The following LEF1 variants were observed in gnomAD, a reference collection of about 807,000 sequenced individuals.
The protein encoded by LEF1 is lymphoid enhancer-binding factor 1.
In LEF1, 14 loss-of-function variants were observed where a neutral mutation model predicts 51.2. The observed-to-expected ratio is 0.27, with a 90% CI of 0.18 to 0.43. The LOEUF (loss-of-function observed/expected upper bound fraction) is 0.43. LEF1 is among the 20% of genes least tolerant of loss of function. The pLI, the probability that LEF1 is intolerant of heterozygous loss-of-function variation, is 1.00. For missense variants in LEF1, 386 were observed against 512.0 expected (o/e 0.75, Z 2.37); for synonymous variants, 185 against 183.2 (o/e 1.01, Z -0.08).
chr4:108,112,255 T>G (rs1741578986), intron 3 of LEF1, among the ~76,000 whole-genome samples: 1 of 152,174 alleles, frequency 6.6e-6, no homozygotes, highest in African/African-American at 2.4e-5. Flanking sequence ...GGCTGTGAGG[T>G]CTCTGCTTCT....
chr4:108,115,852 C>T (rs1366244615), intron 3 of LEF1, among the ~76,000 whole-genome samples: 6 of 145,082 alleles, frequency 4.1e-5, no homozygotes, highest in African/African-American at 1.5e-4. Flanking sequence ...CACATACACA[C>T]ACACACACAC....
At position 108,092,917 on chromosome 4, in the gene LEF1, T is replaced by TAAA. The variant is rs71592104; in HGVS notation, c.415-3663_415-3661dup. ...GTGGGTATTGGAAACAATGAATATG[T>TAAA]AAAAAAAAAAAAAAAAAAAAAAAAA... On this transcript the variant is annotated intron_variant, in intron 3 of 11. Transcript: ENST00000265165. Among the ~76,000 whole-genome samples the TAAA allele has an allele frequency of 3.2e-3, 100 of 31,114 alleles. 1 individual carries two copies. The highest frequency in any genetic ancestry group is 3.9e-3 in the Non-Finnish European group (74 of 18,836). The allele number at this position is 31,114 out of a possible 152,430, so 20.4% of individuals were successfully genotyped here.
In LEF1 at chr4:108,163,701, C is replaced by T; in HGVS notation, c.281G>A (p.Gly94Glu). ...HDKAREHPDD[G>E]KHPDGGLYNK... is the part of the protein sequence containing the mutation. The stretch of plus-strand genomic sequence containing the variant: ...GTAGAGGCCTCCATCTGGATGCTTT[C>T]CTGGGAAGATCCAAAGAACAATCAA... The change falls in exon 3 of 12, where the codon GGA (glycine) becomes GAA (glutamate). Residue 94 changes from glycine (G) to glutamate (E), a missense_variant and splice_region_variant. Physicochemically the swap from Gly to Glu is moderately conservative, Grantham distance 98. Around this residue, in one of 2 missense-constraint regions of LEF1, gnomAD observed 335 missense variants for 390.7 expected, o/e 0.86. Coordinates refer to ENST00000265165, the MANE Select transcript of LEF1 (RefSeq NM_016269.5). 6.2e-7 allele frequency: 1 copy of T among 1,612,682 alleles called. No homozygotes were observed. The highest frequency in any genetic ancestry group is 1.7e-5 in the Admixed American group (1 of 59,824).
At chr4:108,108,028 G>T (rs1741282195) in intron 3 of LEF1, among the ~76,000 whole-genome samples, 1 of 152,178 alleles carries the variant, frequency 6.6e-6, no homozygotes, top group Non-Finnish European at 1.5e-5. Context: ...CCTGGGCAGG[G>T]ACAGGGAAAA....
chr4:108,067,040 T>C (rs1738125718), intron 9 of LEF1, among the ~76,000 whole-genome samples: 1 of 152,242 alleles, frequency 6.6e-6, no homozygotes, highest in Non-Finnish European at 1.5e-5. Flanking sequence ...CTTTATTCTA[T>C]CCCTGTACAG....
intron 1 of LEF1, chr4:108,166,301 T>C (rs1331933504): frequency 2.6e-6 from 4 of 1,535,676 alleles, no homozygotes; most frequent in Non-Finnish European, 3.5e-6. Context: ...AAGGCAGATC[T>C]GAGGTGTTCT....
chr4:108,130,729 CAAA>C (rs567555795), intron 3 of LEF1, among the ~76,000 whole-genome samples: 2 of 99,052 alleles, frequency 2.0e-5, no homozygotes. Context: ...GACTCCGACT[CAAA>C]AAAAAAAAAA....
chr4:108,091,015 T>C (rs1739984655), intron 3 of LEF1, among the ~76,000 whole-genome samples: 1 of 152,082 alleles, frequency 6.6e-6, no homozygotes, highest in African/African-American at 2.4e-5. Flanking sequence ...TAAGAGAAAA[T>C]TGAGCATATC....
At chr4:108,085,546 T>C (rs1739585491) in intron 4 of LEF1, among the ~76,000 whole-genome samples, 3 of 152,220 alleles carry the variant, frequency 2.0e-5, no homozygotes, top group African/African-American at 7.2e-5. Context: ...TTACTCTCCG[T>C]ACTACTCCAT....
chr4:108,090,104 C>T (rs1207441288), intron 3 of LEF1, among the ~76,000 whole-genome samples: 1 of 152,022 alleles, frequency 6.6e-6, no homozygotes, highest in Non-Finnish European at 1.5e-5. Flanking sequence ...CCTCAGCCTC[C>T]CAAGTAGGAC....
At chr4:108,049,349 C>T (rs1444314925) in intron 11 of LEF1, among the ~76,000 whole-genome samples, 1 of 152,006 alleles carries the variant, frequency 6.6e-6, no homozygotes, top group African/African-American at 2.4e-5. Context: ...ATGATAGCCT[C>T]GGAAAGGACA....
At chr4:108,154,876 T>C (rs932636342) in intron 3 of LEF1, among the ~76,000 whole-genome samples, 2 of 152,134 alleles carry the variant, frequency 1.3e-5, no homozygotes, top group African/African-American at 4.8e-5. Flanking sequence ...GGGATTTTAC[T>C]GAAAGAAAAA....
Position 108,168,638 on chromosome 4 carries a change from C to G in LEF1, c.-871G>C, listed in dbSNP as rs1326965691. 1 of 152,276 alleles carries G rather than the reference C, an allele frequency of 6.6e-6. No homozygotes were observed. Among genetic ancestry groups the G allele is most frequent in the Non-Finnish European group, 1.5e-5 (1 of 68,122 alleles). The allele number at this position is 152,276 out of a possible 1,614,324, so 9.4% of individuals were successfully genotyped here. The stretch of plus-strand genomic sequence containing the variant: ...GCGGGGGCCTCGGGCCCAAATGCCT[C>G]TGCCCGGAGCTCGAGCCGACACACA... On this transcript the variant is annotated 5_prime_UTR_variant, in exon 1 of 12. Coordinates refer to ENST00000265165, the MANE Select transcript of LEF1 (RefSeq NM_016269.5). This position sits in a 1 kb window ranked among gnomAD's most constrained non-coding sequence, Gnocchi z 4.6.
At chr4:108,139,695 C>T (rs577035152) in intron 3 of LEF1, among the ~76,000 whole-genome samples, 11 of 152,236 alleles carry the variant, frequency 7.2e-5, no homozygotes, top group African/African-American at 2.6e-4. Flanking sequence ...CCTTTAGGGA[C>T]GTTAATAGAG....
At chr4:108,146,197 T>G (rs1290189114) in intron 3 of LEF1, among the ~76,000 whole-genome samples, 1 of 152,232 alleles carries the variant, frequency 6.6e-6, no homozygotes, top group Non-Finnish European at 1.5e-5. Context: ...ACCTTGTGAC[T>G]TTAAAACACT....
intron 3 of LEF1, among the ~76,000 whole-genome samples, chr4:108,122,139 T>C (rs1742218484): frequency 6.6e-6 from 1 of 152,188 alleles, no homozygotes; most frequent in African/African-American, 2.4e-5. Context: ...TTATAGCCTA[T>C]TTACTTTTTT....
rs796277670 is a variant in LEF1 at position 108,099,556 on chromosome 4, A to G, written c.415-10299T>C. Among the ~76,000 whole-genome samples, 269 of 49,638 alleles carry G rather than the reference A, an allele frequency of 5.4e-3. 10 individuals carry two copies. The highest frequency in any genetic ancestry group is 0.027 in the South Asian group (30 of 1,102). 32.6% of individuals were successfully genotyped at this position (49,638 alleles called of 152,430 possible). On this transcript the variant is annotated intron_variant, in intron 3 of 11. Coordinates refer to ENST00000265165, the MANE Select transcript of LEF1 (RefSeq NM_016269.5). ...TATATGTGTATATGTGTGTGTGTGT[A>G]TGTGTGTGTGTGTGTATATATATAT...
intron 11 of LEF1, among the ~76,000 whole-genome samples, chr4:108,050,346 C>T (rs1736898190): frequency 6.6e-6 from 1 of 152,110 alleles, no homozygotes; most frequent in Admixed American, 6.5e-5. Context: ...ACTGGTGGAG[C>T]CGGAAGTGCA....
Position 108,167,564 on chromosome 4 carries a change from G to A in LEF1, c.204C>T (p.Asn68=), listed in dbSNP as rs1745494554. Reference sequence around the variant, plus strand: ...GCAGCGGCCCGCTCACCTCGTGTCCGTTGCTGGCCGGGATGATTTCAGACT... The same window carrying A: ...GCAGCGGCCCGCTCACCTCGTGTCCATTGCTGGCCGGGATGATTTCAGACT... ...VNESEIIPAS[N]GHEVARQAQT... Residue 68 remains asparagine, a synonymous_variant, in exon 1 of 12, where the codon AAC becomes AAT. Transcript: ENST00000265165. The surrounding 1 kb of genome is among the most constrained non-coding windows in gnomAD (Gnocchi z 5.7). 6.2e-7 allele frequency: 1 copy of A among 1,613,998 alleles called. No individual in the cohort carries two copies. The highest frequency in any genetic ancestry group is 1.3e-5 in the African/African-American group (1 of 74,936).
Sources: gnomAD v4.1 joint callset for allele counts (sites outside exome capture counted in the v4.1 genomes callset) on GRCh38, gnomAD v4.1.1 for gene constraint, gnomAD v4.1.1 regional missense constraint, Gnocchi (gnomAD v3.1) non-coding constraint, MANE v1.5 for transcripts, NCBI Gene and HGNC (gene_info 2026-07-23, HGNC 2026-07-21) for gene names.